The following PEBP4 variants were observed in gnomAD, a reference collection of about 807,000 sequenced individuals.
PEBP4 encodes the protein phosphatidylethanolamine binding protein 4.
Under a neutral mutation model 23.9 loss-of-function variants are expected in PEBP4, and 22 were observed. That is an observed-to-expected ratio of 0.92 (90% confidence interval 0.66 to 1.31). PEBP4 has a LOEUF of 1.31. Ranked by LOEUF, PEBP4 falls within the 40% of genes most tolerant of loss-of-function variation. The pLI, the probability that PEBP4 is intolerant of heterozygous loss-of-function variation, is 0.00. For synonymous variants in PEBP4, 112 were observed against 99.3 expected, an observed-to-expected ratio of 1.13 and a Z score of -0.76; for missense variants, 324 against 281.7, an observed-to-expected ratio of 1.15 and a Z score of -1.07.
chr8:22,751,730 A>G (rs2128751837), intron 4 of PEBP4, among the ~76,000 whole-genome samples: 3 of 152,152 alleles, frequency 2.0e-5, no homozygotes, highest in Admixed American at 2.0e-4. Context: ...AGCATAAATC[A>G]CTGTTCCTAA....
intron 4 of PEBP4, among the ~76,000 whole-genome samples, chr8:22,787,091 T>C (rs1269858315): frequency 6.6e-6 from 1 of 152,244 alleles, no homozygotes; most frequent in Non-Finnish European, 1.5e-5. Context: ...CCAAGAGTGC[T>C]GGGATTACAG....
chr8:22,743,405 T>C (rs960754956), intron 4 of PEBP4, among the ~76,000 whole-genome samples: 1 of 152,230 alleles, frequency 6.6e-6, no homozygotes. Flanking sequence ...TGTGTACTCA[T>C]AAAACAGGCT....
At chr8:22,841,221 C>T (rs779437899) in intron 3 of PEBP4, among the ~76,000 whole-genome samples, 12 of 152,396 alleles carry the variant, frequency 7.9e-5, no homozygotes, top group South Asian at 2.1e-4. Context: ...CCAGCTCTGT[C>T]TGACTGCGAA....
intron 3 of PEBP4, among the ~76,000 whole-genome samples, chr8:22,869,602 G>A (rs1807969393): frequency 6.6e-6 from 1 of 152,088 alleles, no homozygotes; most frequent in African/African-American, 2.4e-5. Context: ...CAAGAAGAGG[G>A]AACAAAACTG....
At chr8:22,852,777 G>A (rs1807574392) in intron 3 of PEBP4, among the ~76,000 whole-genome samples, 1 of 151,814 alleles carries the variant, frequency 6.6e-6, no homozygotes, top group Non-Finnish European at 1.5e-5. Flanking sequence ...AATTTACCAG[G>A]TCCTGAGCAA....
chr8:22,901,489 G>T (rs1350352484), intron 3 of PEBP4, among the ~76,000 whole-genome samples: 3 of 152,058 alleles, frequency 2.0e-5, no homozygotes, highest in African/African-American at 7.3e-5. Flanking sequence ...AACCTCTGGG[G>T]AGGGACGCAG....
At position 22,915,119 on chromosome 8, in the gene PEBP4, C is replaced by T. The variant is rs377101648; in HGVS notation, c.258+5065G>A. Among the ~76,000 whole-genome samples, 19 of 152,228 alleles carry T rather than the reference C, an allele frequency of 1.2e-4. 1 individual carries two copies. In the East Asian group the frequency reaches 3.5e-3, roughly 28 times the overall value. On this transcript the variant is annotated intron_variant, in intron 3 of 6. Transcript: ENST00000256404. ...AGCTCTATGGGTTCCACGTCCTTAA[C>T]ACCTTTTAAGCCCAGCCCATGGTCC...
intron 4 of PEBP4, among the ~76,000 whole-genome samples, chr8:22,804,911 G>C (rs1279916816): frequency 1.3e-5 from 2 of 152,176 alleles, no homozygotes; most frequent in African/African-American, 4.8e-5. Flanking sequence ...CCTTCCTGCT[G>C]TTCCCTCGGC....
At chr8:22,863,158 G>A (rs1371634827) in intron 3 of PEBP4, among the ~76,000 whole-genome samples, 1 of 152,094 alleles carries the variant, frequency 6.6e-6, no homozygotes, top group Non-Finnish European at 1.5e-5. Flanking sequence ...AGTGAAAGGC[G>A]GCTGTGGAAA....
chr8:22,879,193 A>G (rs1808191209), intron 3 of PEBP4: 9 of 152,396 alleles, frequency 5.9e-5, no homozygotes, highest in Admixed American at 5.2e-4. Flanking sequence ...GTGAGGCCAC[A>G]GAACGAGAGT....
intron 4 of PEBP4, among the ~76,000 whole-genome samples, chr8:22,784,898 G>GGAGGGGGGACC (rs1805997594): frequency 6.6e-6 from 1 of 152,212 alleles, no homozygotes; most frequent in Non-Finnish European, 1.5e-5. Context: ...GCAGCGAGCC[G>GGAGGGGGGACC]GAGGGGGGAC....
chr8:22,722,182 T>TA (rs5890069), intron 6 of PEBP4, among the ~76,000 whole-genome samples: 19 of 148,720 alleles, frequency 1.3e-4, no homozygotes, highest in South Asian at 2.1e-4. Flanking sequence ...TTTTCTCACT[T>TA]AAAAAAAAAA....
At chr8:22,932,492 C>T (rs569833893), upstream of PEBP4, among the ~76,000 whole-genome samples, 46 of 152,154 alleles carry the variant, frequency 3.0e-4, no homozygotes, top group African/African-American at 1.1e-3. Context: ...AAGCTCCAAG[C>T]TCTTGTTCCC....
chr8:22,813,555 A>G (rs117146483), intron 4 of PEBP4, among the ~76,000 whole-genome samples: 1,809 of 152,314 alleles, frequency 0.012, 39 homozygotes, highest in East Asian at 0.072. Flanking sequence ...AGATGCACCA[A>G]TAAGTGTTTC....
chr8:22,899,168 G>A (rs575004473), intron 3 of PEBP4, among the ~76,000 whole-genome samples: 1 of 152,326 alleles, frequency 6.6e-6, no homozygotes, highest in East Asian at 1.9e-4. Context: ...AAATGATGAT[G>A]ATACATAAAG....
At chr8:22,930,339 A>G (rs777413865), upstream of PEBP4, among the ~76,000 whole-genome samples, 32 of 152,292 alleles carry the variant, frequency 2.1e-4, no homozygotes, top group Non-Finnish European at 4.0e-4. Flanking sequence ...TTCCTGTTAT[A>G]AACAATTAGA....
chr8:22,785,684 C>T (rs1206416887), intron 4 of PEBP4, among the ~76,000 whole-genome samples: 2 of 152,156 alleles, frequency 1.3e-5, no homozygotes, highest in Admixed American at 6.5e-5. Flanking sequence ...ACAGATCCTC[C>T]CTGAGCCTGA....
intron 4 of PEBP4, among the ~76,000 whole-genome samples, chr8:22,789,369 A>G (rs78395432): frequency 0.013 from 1,995 of 152,208 alleles, 44 homozygotes; most frequent in African/African-American, 0.045. Flanking sequence ...TCAAGCTCCT[A>G]GGGAAGTCTA....
chr8:22,852,867 T>C lies in PEBP4; in HGVS notation c.259-35132A>G, dbSNP rs111599417. Among the ~76,000 whole-genome samples the C allele has an allele frequency of 4.2e-3, 643 of 152,308 alleles. 4 individuals are homozygous for C. Among genetic ancestry groups the C allele is most frequent in the African/African-American group, 0.015 (607 of 41,564 alleles). Reference sequence around the variant, plus strand: ...AAATGCTAAGATGCGTGTGTTCATGTGTTCATTTCTATCACACTGCATTCC... The same window carrying C: ...AAATGCTAAGATGCGTGTGTTCATGCGTTCATTTCTATCACACTGCATTCC... On this transcript the variant is annotated intron_variant, in intron 3 of 6. Transcript: ENST00000256404.
Sources: gnomAD v4.1 joint callset for allele counts (sites outside exome capture counted in the v4.1 genomes callset) on GRCh38, gnomAD v4.1.1 for gene constraint, MANE v1.5 for transcripts, NCBI Gene and HGNC (gene_info 2026-07-23, HGNC 2026-07-21) for gene names.